DNAJC17: variants seen among roughly 807,000 people sequenced by gnomAD.
DNAJC17 encodes the protein dnaJ homolog subfamily C member 17.
In DNAJC17, 35 loss-of-function variants were observed where a neutral mutation model predicts 48.1. That is an observed-to-expected ratio of 0.73 (90% CI 0.56 to 0.96). DNAJC17 has a LOEUF of 0.96. DNAJC17 is among the 50% of genes least tolerant of loss of function. The probability of loss-of-function intolerance (pLI) is 0.00; values close to 1 mark genes in which losing one functional copy is unlikely to be tolerated. For synonymous variants in DNAJC17, 117 were observed against 142.7 expected (o/e 0.82, Z 1.28); for missense variants, 355 against 377.1 (o/e 0.94, Z 0.48).
intron 9 of DNAJC17, 126 bp from the exon 10 acceptor site, chr15:40,773,963 C>G (rs986638904): frequency 1.6e-5 from 13 of 823,864 alleles, no homozygotes; most frequent in African/African-American, 1.4e-4. Flanking sequence ...ACCTCAGCAG[C>G]CTTCAAGTGA....
intron 10 of DNAJC17, chr15:40,772,303 G>A (rs188388146): frequency 1.3e-3 from 213 of 167,234 alleles, no homozygotes; most frequent in Admixed American, 2.8e-3. Context: ...GTGGCCCCCC[G>A]GGACTCGCTA....
chr15:40,772,035 G>A (rs1889158321), intron 10 of DNAJC17: 1 of 167,048 alleles, frequency 6.0e-6, no homozygotes, highest in African/African-American at 2.4e-5. Context: ...CTAGTGATGG[G>A]AGCCCTGGCA....
Position 40,776,601 on chromosome 15 carries a change from G to A in DNAJC17, c.322C>T (p.Gln108Ter). Residue 108 changes from glutamine to a stop codon, truncating the protein, a stop_gained, in exon 5 of 11, where the codon CAG (glutamine) becomes TAG (stop). Transcript: ENST00000220496. LOFTEE classifies it high-confidence loss of function. ...TCTTCCTCCTCACTCTCCTGGGCCT[G>A]GGCCTGCCGCTCCCGGGCCTCCAGG... Reference protein sequence around the residue: ...LDLEARERQAQAQESEEEEES... With the variant: ...LDLEARERQA 6.2e-7 allele frequency: 1 copy of A among 1,614,000 alleles called. No individual in the cohort carries two copies. The highest frequency in any genetic ancestry group is 8.5e-7 in the Non-Finnish European group (1 of 1,180,012).
At chr15:40,798,172 ACT>A (rs1889985711) in intron 1 of DNAJC17, among the ~76,000 whole-genome samples, 1 of 152,236 alleles carries the variant, frequency 6.6e-6, no homozygotes, top group African/African-American at 2.4e-5. Flanking sequence ...AAGAAAGGAA[ACT>A]CTGACACATG....
chr15:40,782,712 G>T (rs1048825791), intron 1 of DNAJC17, among the ~76,000 whole-genome samples: 5 of 152,148 alleles, frequency 3.3e-5, no homozygotes, highest in Admixed American at 6.5e-5. Context: ...AGGACTTTCA[G>T]AGGTAAGCAG....
At position 40,792,986 on chromosome 15, in the gene DNAJC17, G is replaced by A. The variant is rs189798402; in HGVS notation, c.79-12989C>T. ...TCAGCTCACTGCAAGCTCTGCCTCCGGGTTCACGCCATTCTCTTGCCTCAG... is the reference window on the plus strand; with the variant it reads ...TCAGCTCACTGCAAGCTCTGCCTCCAGGTTCACGCCATTCTCTTGCCTCAG... On this transcript the variant is annotated intron_variant, in intron 1 of 10. Coordinates refer to ENST00000220496, the MANE Select transcript of DNAJC17 (RefSeq NM_018163.3). 1.8e-4 allele frequency among the ~76,000 whole-genome samples: 26 copies of A among 147,884 alleles called. No homozygotes were observed. The East Asian group carries it at 2.6e-3, about 15-fold the overall frequency.
chr15:40,802,461 G>T (rs1467381066), intron 1 of DNAJC17, among the ~76,000 whole-genome samples: 1 of 152,150 alleles, frequency 6.6e-6, no homozygotes, highest in Non-Finnish European at 1.5e-5. Flanking sequence ...GAGCCACTGC[G>T]CCTGGCCAAT....
In DNAJC17 at chr15:40,767,871, T is replaced by A. The variant is rs541879268; in HGVS notation, c.*69A>T. 8.2e-5 allele frequency: 129 copies of A among 1,579,618 alleles called. No homozygotes were observed. In the South Asian group the frequency reaches 1.3e-3, roughly 16 times the overall value. ...CTATGTATGGGATAGAGGTAAAATC[T>A]TAAAAAAAAAAAAAATTTATTGGTG... On this transcript the variant is annotated 3_prime_UTR_variant, in exon 11 of 11. Coordinates refer to ENST00000220496, the MANE Select transcript of DNAJC17 (RefSeq NM_018163.3).
Position 40,807,360 on chromosome 15 carries a change from C to T in DNAJC17, c.78+9G>A, listed in dbSNP as rs766171598. The T allele has an allele frequency of 5.6e-6, 9 of 1,614,258 alleles. No homozygotes were observed. Among genetic ancestry groups the T allele is most frequent in the Non-Finnish European group, 7.6e-6 (9 of 1,180,040 alleles). On this transcript the variant is annotated intron_variant, in intron 1 of 10. Transcript: ENST00000220496. ...TCTCAAGATCAGCCTTCCTCGCCAC[C>T]GTTCTCACCTCTTTGTCCGCTGCCT...
At chr15:40,797,923 T>C (rs1309131539) in intron 1 of DNAJC17, among the ~76,000 whole-genome samples, 1 of 151,646 alleles carries the variant, frequency 6.6e-6, no homozygotes, top group African/African-American at 2.4e-5. Context: ...GGTTTCATCA[T>C]GTTGGCAAGG....
At chr15:40,771,935 T>C (rs938479072) in intron 10 of DNAJC17, 3 of 167,000 alleles carry the variant, frequency 1.8e-5, no homozygotes, top group Non-Finnish European at 4.4e-5. Context: ...CCCGGAGCAA[T>C]CCCTGGTGAA....
intron 1 of DNAJC17, among the ~76,000 whole-genome samples, chr15:40,806,709 C>T (rs1358718633): frequency 6.6e-6 from 1 of 151,914 alleles, no homozygotes; most frequent in East Asian, 1.9e-4. Context: ...CTAAATCCAG[C>T]TTGATCAGTG....
At chr15:40,791,256 G>C (rs140428703) in intron 1 of DNAJC17, among the ~76,000 whole-genome samples, 1 of 152,182 alleles carries the variant, frequency 6.6e-6, no homozygotes, top group Non-Finnish European at 1.5e-5. Context: ...AGCTGGGTGC[G>C]GTGGCTCATG....
chr15:40,779,135 G>T (rs562997741), intron 4 of DNAJC17, 88 bp downstream of exon 4: 1 of 1,354,054 alleles, frequency 7.4e-7, no homozygotes, highest in Non-Finnish European at 1.1e-6. Context: ...TTTGAGATGA[G>T]TTGCTGGAAG....
chr15:40,797,783 A>ACAAT (rs1889977873), intron 1 of DNAJC17, among the ~76,000 whole-genome samples: 1 of 137,708 alleles, frequency 7.3e-6, no homozygotes, highest in African/African-American at 2.8e-5. Context: ...GGGCAGTAGC[A>ACAAT]CAATCTCGGC....
chr15:40,776,849 G>A (rs752963447), intron 4 of DNAJC17: 9 of 533,398 alleles, frequency 1.7e-5, no homozygotes, highest in Non-Finnish European at 2.7e-5. Flanking sequence ...GTCTGGAAGA[G>A]TTAAAAACAG....
In DNAJC17 at chr15:40,770,446, A is replaced by C. The variant is rs1430582731; in HGVS notation, c.793-2384T>G. The C allele has an allele frequency of 6.6e-7, 1 of 1,504,140 alleles. No individual in the cohort carries two copies. Among genetic ancestry groups the C allele is most frequent in the Non-Finnish European group, 8.9e-7 (1 of 1,125,024 alleles). The allele number at this position is 1,504,140 out of a possible 1,614,324, so 93.2% of individuals were successfully genotyped here. The stretch of plus-strand genomic sequence containing the variant: ...CACTCACTGCCCCAGCAGGGACCAC[A>C]TGCACCCTGGCTGCTCCTGAACACC... On this transcript the variant is annotated intron_variant, in intron 10 of 10. Transcript: ENST00000220496. The surrounding 1 kb of genome is among the most constrained non-coding windows in gnomAD (Gnocchi z 5.0).
intron 1 of DNAJC17, among the ~76,000 whole-genome samples, chr15:40,785,678 CA>C (rs1889621023): frequency 6.6e-6 from 1 of 152,214 alleles, no homozygotes; most frequent in Non-Finnish European, 1.5e-5. Flanking sequence ...CCCTGGTCCA[CA>C]GTGGATGCAG....
chr15:40,795,749 G>T (rs1347452453), intron 1 of DNAJC17, among the ~76,000 whole-genome samples: 1 of 152,162 alleles, frequency 6.6e-6, no homozygotes, highest in Non-Finnish European at 1.5e-5. Context: ...ACAAAAATTA[G>T]CTGGGCGTGG....
Sources: allele counts gnomAD v4.1 joint callset (sites outside exome capture counted in the v4.1 genomes callset), GRCh38; gene constraint gnomAD v4.1.1; non-coding constraint Gnocchi (gnomAD v3.1); transcripts MANE v1.5; gene names NCBI Gene and HGNC (gene_info 2026-07-23, HGNC 2026-07-21).